Variants in TRAPPC10 observed in about 807,000 individuals in gnomAD.
TRAPPC10 encodes the protein trafficking protein particle complex subunit 10.
Under a neutral mutation model 125.5 loss-of-function variants are expected in TRAPPC10, and 23 were observed. The ratio of observed to expected loss-of-function variants is 0.18; its 90% CI spans 0.13 to 0.26. The LOEUF (loss-of-function observed/expected upper bound fraction) is 0.26. Among genes scored for constraint, TRAPPC10 ranks in the 10% least tolerant of loss-of-function variants. TRAPPC10 has a pLI of 1.00. For synonymous variants in TRAPPC10, 509 were observed against 518.0 expected, an observed-to-expected ratio of 0.98 and a Z score of 0.24; for missense variants, 1,123 against 1,308.4, an observed-to-expected ratio of 0.86 and a Z score of 2.19.
chr21:44,012,614 T>A, intron 1 of TRAPPC10, 54 bp downstream of exon 1: 1 of 1,462,890 alleles, frequency 6.8e-7, no homozygotes, highest in Non-Finnish European at 9.3e-7. Context: ...GCCCGGGCCC[T>A]GGCGTTATGC....
In TRAPPC10 at chr21:44,082,343, G is replaced by A. The variant is rs2146104242; in HGVS notation, c.1724-445G>A. On this transcript the variant is annotated intron_variant, in intron 13 of 22. Coordinates refer to ENST00000291574, the MANE Select transcript of TRAPPC10 (RefSeq NM_003274.5). The surrounding 1 kb of genome is among the most constrained non-coding windows in gnomAD (Gnocchi z 4.4). ...GGGTCCTGCTTAATCGGCTGACTTT[G>A]TAGACTGGCAGACACCTGGGGTTTG... Among the ~76,000 whole-genome samples, 1 of 152,326 alleles carries A rather than the reference G, an allele frequency of 6.6e-6. No individual in the cohort carries two copies. The highest frequency in any genetic ancestry group is 2.1e-4 in the South Asian group (1 of 4,830).
At chr21:44,051,733 C>T (rs1033105448) in intron 3 of TRAPPC10, among the ~76,000 whole-genome samples, 1 of 152,244 alleles carries the variant, frequency 6.6e-6, no homozygotes, top group Non-Finnish European at 1.5e-5. Context: ...GCCTCTGACA[C>T]GGCCTTCGCA....
chr21:44,032,720 G>A (rs112190850), intron 2 of TRAPPC10, among the ~76,000 whole-genome samples: 1 of 152,288 alleles, frequency 6.6e-6, no homozygotes, highest in Non-Finnish European at 1.5e-5. Context: ...GAAAGTAGAA[G>A]CAAGACAATT....
At chr21:44,090,571 TAA>T (rs974978738) in intron 18 of TRAPPC10, among the ~76,000 whole-genome samples, 9 of 152,188 alleles carry the variant, frequency 5.9e-5, no homozygotes, top group Admixed American at 2.0e-4. Context: ...ACAGCTGCCC[TAA>T]AGGCTTGAGT....
Position 44,032,109 on chromosome 21 carries a change from T to C in TRAPPC10, c.86T>C (p.Leu29Ser). The C allele has an allele frequency of 6.2e-7, 1 of 1,613,856 alleles. No individual in the cohort carries two copies. Among genetic ancestry groups the C allele is most frequent in the Non-Finnish European group, 8.5e-7 (1 of 1,179,896 alleles). ...PIVTCAGDQN[L>S]FTSVYPTLSQ... ...TTCATAGGTGCTGGAGATCAGAATT[T>C]ATTTACCTCTGTTTATCCAACGCTC... Residue 29 changes from leucine (L) to serine (S), a missense_variant, in exon 2 of 23, where the codon TTA becomes TCA. Leu to Ser is a moderately radical substitution (Grantham distance 145). Transcript: ENST00000291574.
intron 7 of TRAPPC10, among the ~76,000 whole-genome samples, chr21:44,065,220 G>A (rs1478908344): frequency 6.6e-6 from 1 of 152,180 alleles, no homozygotes; most frequent in African/African-American, 2.4e-5. Flanking sequence ...TGGCTGGAAG[G>A]AGAAATGTGT....
At chr21:44,049,774 G>C (rs1375075365) in intron 3 of TRAPPC10, among the ~76,000 whole-genome samples, 1 of 152,148 alleles carries the variant, frequency 6.6e-6, no homozygotes, top group Non-Finnish European at 1.5e-5. Flanking sequence ...TGCTGCCTCT[G>C]TCTTGGAGCT....
At chr21:44,041,477 A>G (rs2145753073) in intron 3 of TRAPPC10, among the ~76,000 whole-genome samples, 1 of 152,146 alleles carries the variant, frequency 6.6e-6, no homozygotes, top group South Asian at 2.1e-4. Flanking sequence ...CTTGGGTTCA[A>G]GTGGTTCTCC....
chr21:44,032,589 C>G (rs2033677084), intron 2 of TRAPPC10, among the ~76,000 whole-genome samples: 1 of 152,084 alleles, frequency 6.6e-6, no homozygotes, highest in African/African-American at 2.4e-5. Flanking sequence ...GCCATGTTGG[C>G]CAGGCTGGTC....
At chr21:44,036,462 G>A (rs537143955) in intron 2 of TRAPPC10, among the ~76,000 whole-genome samples, 130 of 152,366 alleles carry the variant, frequency 8.5e-4, no homozygotes, top group Non-Finnish European at 1.7e-3. Context: ...AGGATGGCCA[G>A]GAGTTCTGCC....
At chr21:44,015,675 C>T (rs919472544) in intron 1 of TRAPPC10, among the ~76,000 whole-genome samples, 7 of 150,902 alleles carry the variant, frequency 4.6e-5, no homozygotes, top group African/African-American at 7.3e-5. Flanking sequence ...AGTGCAGTGG[C>T]GCGATCTCGG....
intron 6 of TRAPPC10, among the ~76,000 whole-genome samples, chr21:44,061,486 C>G (rs1364585468): frequency 6.6e-6 from 1 of 151,440 alleles, no homozygotes; most frequent in Non-Finnish European, 1.5e-5. Flanking sequence ...CCAGGCTGGT[C>G]TCGATCTCTT....
intron 3 of TRAPPC10, among the ~76,000 whole-genome samples, chr21:44,041,715 ATTAT>A (rs1035904428): frequency 6.6e-6 from 1 of 151,662 alleles, no homozygotes; most frequent in African/African-American, 2.4e-5. Context: ...TTTTCCCATC[ATTAT>A]TTATTTATTA....
Position 44,082,693 on chromosome 21 carries a change from C to T in TRAPPC10, c.1724-95C>T, listed in dbSNP as rs1190208177. 2 of 1,409,306 alleles carry T rather than the reference C, an allele frequency of 1.4e-6. No homozygotes were observed. Among genetic ancestry groups the T allele is most frequent in the African/African-American group, 1.4e-5 (1 of 70,902 alleles). The allele number at this position is 1,409,306 out of a possible 1,614,324, so 87.3% of individuals were successfully genotyped here. On this transcript the variant is annotated intron_variant, in intron 13 of 22. Transcript: ENST00000291574. This position sits in a 1 kb window ranked among gnomAD's most constrained non-coding sequence, Gnocchi z 4.4. ...GCCCATCACTGCTGCTTGCTTCAGT[C>T]TGCTCTCGGTGATCTTACTGTGTCC... is the stretch of plus-strand genomic sequence containing the variant.
intron 9 of TRAPPC10, among the ~76,000 whole-genome samples, chr21:44,075,471 A>G (rs1417587558): frequency 6.6e-6 from 1 of 152,056 alleles, no homozygotes; most frequent in Non-Finnish European, 1.5e-5. Context: ...TGTTTTTCTA[A>G]CAATACGACC....
rs552014816 is a variant in TRAPPC10, at chr21:44,079,817, T to G, written c.1610+113T>G. On this transcript the variant is annotated intron_variant, in intron 12 of 22. Transcript: ENST00000291574. ...TTATTAAGGAGAGAAAAGTCCTAACTTATACATATGTATTGTATAGAAAAT... is the reference window on the plus strand; with the variant it reads ...TTATTAAGGAGAGAAAAGTCCTAACGTATACATATGTATTGTATAGAAAAT... 9 of 1,211,590 alleles carry G rather than the reference T, an allele frequency of 7.4e-6. No individual in the cohort carries two copies. In the East Asian group the frequency reaches 2.3e-4, roughly 31 times the overall value. The allele number at this position is 1,211,590 out of a possible 1,614,324, so 75.1% of individuals were successfully genotyped here. A position where few individuals can be genotyped will look rare whatever the true frequency, so the allele number is the denominator to read the frequency against.
chr21:44,060,275 CTTTTTTT>C (rs5844172), intron 6 of TRAPPC10: 10 of 126,776 alleles, frequency 7.9e-5, no homozygotes, highest in Non-Finnish European at 1.3e-4. Context: ...TTTTATGTGT[CTTTTTTT>C]TTTTTTTTTT....
At chr21:44,094,437 C>T (rs371770171) in intron 20 of TRAPPC10, among the ~76,000 whole-genome samples, 1 of 152,108 alleles carries the variant, frequency 6.6e-6, no homozygotes, top group African/African-American at 2.4e-5. Flanking sequence ...ATCTGAGATG[C>T]CCACACTCCT....
intron 1 of TRAPPC10, among the ~76,000 whole-genome samples, chr21:44,014,444 A>T (rs1268879521): frequency 6.6e-6 from 1 of 150,816 alleles, no homozygotes; most frequent in Non-Finnish European, 1.5e-5. Flanking sequence ...CCCAGGCTGG[A>T]GTGCAGTGGC....
Sources: allele counts gnomAD v4.1 joint callset (sites outside exome capture counted in the v4.1 genomes callset), GRCh38; gene constraint gnomAD v4.1.1; non-coding constraint Gnocchi (gnomAD v3.1); transcripts MANE v1.5; gene names NCBI Gene and HGNC (gene_info 2026-07-23, HGNC 2026-07-21).